The following KIF9 variants were observed in gnomAD, a reference collection of about 807,000 sequenced individuals.
KIF9 encodes the protein kinesin-like protein KIF9.
KIF9 carries 68 observed loss-of-function variants against 94.8 expected under a neutral mutation model. The observed-to-expected ratio is 0.72, with a 90% CI of 0.59 to 0.88. KIF9 has a LOEUF of 0.88. Ranked by LOEUF, KIF9 falls within the 40% of genes least tolerant of loss-of-function variation. The pLI, the probability that KIF9 is intolerant of heterozygous loss-of-function variation, is 0.00. For missense variants in KIF9, 882 were observed against 982.5 expected, an observed-to-expected ratio of 0.90 and a Z score of 1.37; for synonymous variants, 343 against 362.1, an observed-to-expected ratio of 0.95 and a Z score of 0.60.
chr3:47,236,117 T>C lies in KIF9; in HGVS notation c.2134A>G (p.Ile712Val). ...FDIWYNESFV[I>V]PEDMQMALKP... Reference sequence around the variant, plus strand: ...AGTGCCATCTGCATGTCCTCAGGGATGACAAAGGACTCATTGTACCAGATG... The same window carrying C: ...AGTGCCATCTGCATGTCCTCAGGGACGACAAAGGACTCATTGTACCAGATG... The change falls in exon 19 of 21, where the codon ATC becomes GTC. Residue 712 changes from isoleucine to valine, a missense_variant. Transcript: ENST00000684063. The C allele has an allele frequency of 6.2e-7, 1 of 1,614,100 alleles. No individual in the cohort carries two copies. The highest frequency in any genetic ancestry group is 8.5e-7 in the Non-Finnish European group (1 of 1,179,948).
intron 2 of KIF9, among the ~76,000 whole-genome samples, chr3:47,276,278 G>A (rs577340818): frequency 4.6e-5 from 7 of 152,138 alleles, no homozygotes; most frequent in South Asian, 2.1e-4. Flanking sequence ...AGACTTGGCC[G>A]GGCATGGTGG....
chr3:47,263,646 G>C, intron 9 of KIF9: 1 of 353,382 alleles, frequency 2.8e-6, no homozygotes, highest in Non-Finnish European at 5.6e-6. Flanking sequence ...AGCCAGCTCA[G>C]TGCCCATCTT....
intron 1 of KIF9, chr3:47,281,204 G>A: frequency 1.7e-6 from 1 of 590,416 alleles, no homozygotes; most frequent in Non-Finnish European, 3.0e-6. Context: ...TACTGAGAGA[G>A]TCCCAAGGGG....
At chr3:47,263,024 G>A (rs571562256) in intron 9 of KIF9, among the ~76,000 whole-genome samples, 6 of 152,026 alleles carry the variant, frequency 3.9e-5, no homozygotes, top group Admixed American at 1.3e-4. Flanking sequence ...TCAGCCTCCC[G>A]AGTAGCTGGG....
chr3:47,274,115 G>A (rs779025485), intron 3 of KIF9, among the ~76,000 whole-genome samples: 1 of 152,216 alleles, frequency 6.6e-6, no homozygotes, highest in Non-Finnish European at 1.5e-5. Flanking sequence ...AAATCTCCAG[G>A]AAGAGATGGA....
chr3:47,257,634 G>C, intron 9 of KIF9, 74 bp from the exon 10 acceptor site: 1 of 1,323,700 alleles, frequency 7.6e-7, no homozygotes, highest in African/African-American at 1.4e-5. Flanking sequence ...CCTTCTCAGA[G>C]ACCTTGCCTG....
chr3:47,241,910 A>C, intron 16 of KIF9, among the ~76,000 whole-genome samples: 1 of 136,966 alleles, frequency 7.3e-6, no homozygotes, highest in Admixed American at 7.9e-5. Flanking sequence ...CTTTGGAGAC[A>C]GCATGCTCTG....
chr3:47,263,613 C>T, intron 9 of KIF9: 1 of 333,086 alleles, frequency 3.0e-6, no homozygotes, highest in African/African-American at 2.2e-5. Flanking sequence ...CTCTGCTTAT[C>T]CTACCACCCA....
intron 10 of KIF9, among the ~76,000 whole-genome samples, chr3:47,257,030 A>G (rs964268288): frequency 6.6e-6 from 1 of 152,156 alleles, no homozygotes; most frequent in Non-Finnish European, 1.5e-5. Context: ...TCCTCTGCCT[A>G]GGAAAACCAG....
At chr3:47,258,060 G>T (rs1281567465) in intron 9 of KIF9, among the ~76,000 whole-genome samples, 1 of 152,034 alleles carries the variant, frequency 6.6e-6, no homozygotes, top group Non-Finnish European at 1.5e-5. Context: ...TCAGGGTCTC[G>T]ATCAGCCATG....
chr3:47,248,112 G>C (rs748205860), intron 10 of KIF9, 26 bp from the exon 11 acceptor site: 2 of 1,576,728 alleles, frequency 1.3e-6, no homozygotes, highest in African/African-American at 2.7e-5. Context: ...GTAGGGTGGG[G>C]GCCGACAGGA....
intron 10 of KIF9, among the ~76,000 whole-genome samples, chr3:47,256,394 G>GC (rs1309637978): frequency 6.6e-6 from 1 of 151,130 alleles, no homozygotes; most frequent in African/African-American, 2.4e-5. Flanking sequence ...GAAGTGAGGA[G>GC]CCCCTCCGCC....
In KIF9 at chr3:47,236,082, G is replaced by A. The variant is rs114811664; in HGVS notation, c.2169C>T (p.Gly723=). The part of the protein sequence containing the change: ...PEDMQMALKP[G]GSIRPGMVPV... ...GGACCATGCCTGGCCGGATGCTGCC[G>A]CCTGGCTTCAGTGCCATCTGCATGT... The change falls in exon 19 of 21, where the codon GGC becomes GGT. Residue 723 remains glycine (G), a synonymous_variant. Transcript: ENST00000684063. 49 of 1,614,160 alleles carry A rather than the reference G, an allele frequency of 3.0e-5. No homozygotes were observed. The highest frequency in any genetic ancestry group is 1.5e-4 in the South Asian group (14 of 91,080).
At chr3:47,243,461 A>G in intron 15 of KIF9, 1 of 421,252 alleles carries the variant, frequency 2.4e-6, no homozygotes. Context: ...TTATCAGAAC[A>G]AAGAGCCCTC....
intron 9 of KIF9, among the ~76,000 whole-genome samples, chr3:47,259,276 T>G (rs980305194): frequency 6.6e-6 from 1 of 152,186 alleles, no homozygotes; most frequent in Admixed American, 6.5e-5. Flanking sequence ...GCTGAAAGGC[T>G]TCACTGCCAG....
At chr3:47,250,350 C>A (rs567762337) in intron 10 of KIF9, among the ~76,000 whole-genome samples, 3 of 152,262 alleles carry the variant, frequency 2.0e-5, no homozygotes, top group East Asian at 3.9e-4. Flanking sequence ...TAGAACTTAC[C>A]TATTTATTGT....
In KIF9 at chr3:47,277,336, G is replaced by A. The variant is rs763883237; in HGVS notation, c.39C>T (p.Val13=). The A allele has an allele frequency of 6.2e-7, 1 of 1,614,010 alleles. No individual in the cohort carries two copies. The highest frequency in any genetic ancestry group is 8.5e-7 in the Non-Finnish European group (1 of 1,179,954). ...TRKKVHAFVR[V]KPTDDFAHEM... is the part of the protein sequence containing the mutation. ...CATGAGCAAAGTCATCGGTGGGTTT[G>A]ACACGGACAAATGCATGAACTTTTT... is the stretch of plus-strand genomic sequence containing the variant. The change falls in exon 2 of 21, where the codon GTC becomes GTT. Residue 13 remains valine (V), a synonymous_variant. Coordinates refer to ENST00000684063, the MANE Select transcript of KIF9 (RefSeq NM_182902.4).
chr3:47,264,336 T>C lies in KIF9; in HGVS notation c.931A>G (p.Met311Val), dbSNP rs1701163066. ...LKDSLGGNCNMVLVTNIYGEA... is the reference protein window; with the variant it reads ...LKDSLGGNCNVVLVTNIYGEA... Reference sequence around the variant, plus strand: ...CCATAGATGTTTGTCACGAGGACCATATTGCAGTTTCCCCCTGCGGAAAGC... The same window carrying C: ...CCATAGATGTTTGTCACGAGGACCACATTGCAGTTTCCCCCTGCGGAAAGC... Residue 311 changes from methionine (M) to valine (V), a missense_variant, in exon 9 of 21, where the codon ATG becomes GTG. Transcript: ENST00000684063. 3.1e-6 allele frequency: 5 copies of C among 1,613,674 alleles called. No individual in the cohort carries two copies. Among genetic ancestry groups the C allele is most frequent in the East Asian group, 2.2e-5 (1 of 44,874 alleles).
At chr3:47,261,175 G>T (rs1450278266) in intron 9 of KIF9, among the ~76,000 whole-genome samples, 1 of 152,198 alleles carries the variant, frequency 6.6e-6, no homozygotes, top group East Asian at 1.9e-4. Flanking sequence ...TGTGTGTGCT[G>T]ACTGGCCTCT....
Sources: gnomAD v4.1 joint callset for allele counts (sites outside exome capture counted in the v4.1 genomes callset) on GRCh38, gnomAD v4.1.1 for gene constraint, MANE v1.5 for transcripts, NCBI Gene and HGNC (gene_info 2026-07-23, HGNC 2026-07-21) for gene names.